Variants in BOD1L1 observed in about 807,000 individuals in gnomAD.
BOD1L1 encodes biorientation of chromosomes in cell division 1 like 1, also known as biorientation of chromosomes in cell division protein 1-like 1.
Under a neutral mutation model 240.7 loss-of-function variants are expected in BOD1L1, and 86 were observed. The observed-to-expected ratio is 0.36, with a 90% CI of 0.30 to 0.43. The LOEUF (loss-of-function observed/expected upper bound fraction) is 0.43. Ranked by LOEUF, BOD1L1 falls within the 20% of genes least tolerant of loss-of-function variation. The probability of loss-of-function intolerance (pLI) is 1.00; values close to 1 mark genes in which losing one functional copy is unlikely to be tolerated. For synonymous variants in BOD1L1, 1,268 were observed against 1,272.3 expected (o/e 1.00, Z 0.07); for missense variants, 3,554 against 3,643.5 (o/e 0.98, Z 0.63).
chr4:13,576,723 A>G lies in BOD1L1; in HGVS notation c.9038+115T>C, dbSNP rs569916823. 4.6e-6 allele frequency: 6 copies of G among 1,316,312 alleles called. 1 individual carries two copies. The South Asian group carries it at 9.5e-5, about 21-fold the overall frequency. The allele number at this position is 1,316,312 out of a possible 1,614,324, so 81.5% of individuals were successfully genotyped here. ...GCTAACAATAAAAATGAAAGGGAAGAACTTCCACTGCAGCATGAATGATTC... is the reference window on the plus strand; with the variant it reads ...GCTAACAATAAAAATGAAAGGGAAGGACTTCCACTGCAGCATGAATGATTC... On this transcript the variant is annotated intron_variant, in intron 25 of 25. Transcript: ENST00000040738.
In BOD1L1 at chr4:13,594,942, C is replaced by T. The variant is rs551127910; in HGVS notation, c.8104+918G>A. Among the ~76,000 whole-genome samples the T allele has an allele frequency of 4.2e-4, 64 of 152,168 alleles. 1 individual carries two copies. Among genetic ancestry groups the T allele is most frequent in the Non-Finnish European group, 7.2e-4 (49 of 67,976 alleles). On this transcript the variant is annotated intron_variant, in intron 12 of 25. Transcript: ENST00000040738. Reference sequence around the variant, plus strand: ...ACAAAACAAAAAACAAAAACCCAACCGTCTATCTGTAATGTTGGATTTTCT... The same window carrying T: ...ACAAAACAAAAAACAAAAACCCAACTGTCTATCTGTAATGTTGGATTTTCT...
rs373873288 is a variant in BOD1L1 at position 13,600,642 on chromosome 4, G to A, written c.6258C>T (p.Ser2086=). The change falls in exon 10 of 26, where the codon AGC becomes AGT. Residue 2086 remains serine (S), a synonymous_variant. Coordinates refer to ENST00000040738, the MANE Select transcript of BOD1L1 (RefSeq NM_148894.3). ...GACCTCCTTCCACATCTGTAATTGC[G>A]CTTACCTGAGGGGTGTAATCATTTG... ...STTNDYTPQV[S]AITDVEGGLS... is the part of the protein sequence containing the mutation. 121 of 1,613,786 alleles carry A rather than the reference G, an allele frequency of 7.5e-5. 1 individual carries two copies. In the Admixed American group the frequency reaches 1.3e-3, roughly 17 times the overall value.
chr4:13,626,606 T>C (rs1577392212), intron 1 of BOD1L1, among the ~76,000 whole-genome samples: 1 of 152,174 alleles, frequency 6.6e-6, no homozygotes, highest in African/African-American at 2.4e-5. Context: ...CCTTCCCCTT[T>C]CCAGCCTCTC....
At chr4:13,609,614 T>C (rs986264498) in intron 6 of BOD1L1, among the ~76,000 whole-genome samples, 6 of 152,116 alleles carry the variant, frequency 3.9e-5, no homozygotes, top group African/African-American at 1.4e-4. Flanking sequence ...ATCTAGAAGC[T>C]ACCAGAATAG....
intron 1 of BOD1L1, 41 bp from the exon 2 acceptor site, chr4:13,620,108 A>C: frequency 6.5e-7 from 1 of 1,549,374 alleles, no homozygotes; most frequent in Non-Finnish European, 8.7e-7. Context: ...AAGGTTATAC[A>C]GTATCAATAT....
intron 17 of BOD1L1, 73 bp from the exon 18 acceptor site, chr4:13,582,809 G>A: frequency 1.9e-6 from 2 of 1,042,558 alleles, no homozygotes; most frequent in Non-Finnish European, 2.8e-6. Context: ...CCCCACACAA[G>A]TTTGCCTTTC....
intron 24 of BOD1L1, 63 bp downstream of exon 24, chr4:13,577,338 GAA>G: frequency 7.0e-7 from 1 of 1,423,526 alleles, no homozygotes; most frequent in Non-Finnish European, 9.6e-7. Context: ...CTCATTCAAA[GAA>G]AAACTCTTTA....
At position 13,580,928 on chromosome 4, in the gene BOD1L1, A is replaced by C. The variant is rs1443058498; in HGVS notation, c.8703+92T>G. The C allele has an allele frequency of 3.2e-6, 4 of 1,239,592 alleles. No individual in the cohort carries two copies. In the East Asian group the frequency reaches 1.0e-4, roughly 32 times the overall value. The allele number at this position is 1,239,592 out of a possible 1,614,324, so 76.8% of individuals were successfully genotyped here. A position where few individuals can be genotyped will look rare whatever the true frequency, so the allele number is the denominator to read the frequency against. ...AGTCTTTTAAAGCTTTTCAAGTAAA[A>C]AAAATAAAGTTCAAAATACTAGATA... On this transcript the variant is annotated intron_variant, in intron 21 of 25. Transcript: ENST00000040738.
chr4:13,600,000 C>A lies in BOD1L1; in HGVS notation c.6900G>T (p.Gly2300=), dbSNP rs775970021. 4 of 1,610,398 alleles carry A rather than the reference C, an allele frequency of 2.5e-6. No individual in the cohort carries two copies. The highest frequency in any genetic ancestry group is 3.4e-6 in the Non-Finnish European group (4 of 1,178,166). The change falls in exon 10 of 26, where the codon GGG becomes GGT. Residue 2300 remains glycine (G), a synonymous_variant. Coordinates refer to ENST00000040738, the MANE Select transcript of BOD1L1 (RefSeq NM_148894.3). ...CAGCACCAATCATGACTGCTTCACA[C>A]CCTTCAGAGGTGCTTGTGGAAATCA... ...TAMISTSTSE[G]CEAVMIGAVL... is the part of the protein sequence containing the mutation.
intron 15 of BOD1L1, among the ~76,000 whole-genome samples, chr4:13,588,057 G>A (rs1397146927): frequency 1.3e-5 from 2 of 151,966 alleles, no homozygotes; most frequent in East Asian, 1.9e-4. Context: ...GCGTGGTGGC[G>A]GGTGCCTGTA....
In BOD1L1 at chr4:13,581,133, C is replaced by A. The variant is rs764096476; in HGVS notation, c.8667G>T (p.Met2889Ile). Reference sequence around the variant, plus strand: ...ACTGAAAACACACCAAGTACCTACTCATTTTTAACGTTGTTTCTACAGGGT... The same window carrying A: ...ACTGAAAACACACCAAGTACCTACTAATTTTTAACGTTGTTTCTACAGGGT... ...RKYPVETTLK[M>I]KDDSKTDTGI... is the part of the protein sequence containing the mutation. The change falls in exon 20 of 26, where the codon ATG becomes ATT. Residue 2889 changes from methionine (M) to isoleucine (I), a missense_variant and splice_region_variant. Physicochemically the swap from Met to Ile is conservative, Grantham distance 10. Transcript: ENST00000040738. The A allele has an allele frequency of 1.3e-6, 2 of 1,574,574 alleles. No homozygotes were observed. Among genetic ancestry groups the A allele is most frequent in the African/African-American group, 2.7e-5 (2 of 74,228 alleles).
intron 15 of BOD1L1, 87 bp downstream of exon 15, chr4:13,588,635 G>T (rs1251584975): frequency 7.0e-6 from 7 of 994,258 alleles, no homozygotes; most frequent in Non-Finnish European, 1.0e-5. Flanking sequence ...TTTATACAAA[G>T]AAATAAAGCC....
intron 25 of BOD1L1, among the ~76,000 whole-genome samples, chr4:13,573,436 C>G (rs1712386987): frequency 8.4e-6 from 1 of 119,016 alleles, no homozygotes; most frequent in African/African-American, 2.8e-5. Flanking sequence ...GTCTGTCTGT[C>G]TGTCTGTCTA....
intron 17 of BOD1L1, among the ~76,000 whole-genome samples, chr4:13,586,037 A>C (rs1713660242): frequency 6.6e-6 from 1 of 152,238 alleles, no homozygotes; most frequent in African/African-American, 2.4e-5. Context: ...AGTACTAATA[A>C]TAACTGTATT....
chr4:13,619,210 A>G (rs771677564), intron 2 of BOD1L1, among the ~76,000 whole-genome samples: 2 of 150,660 alleles, frequency 1.3e-5, no homozygotes, highest in Non-Finnish European at 3.0e-5. Flanking sequence ...CAGGAGGATG[A>G]CGTTGGGAGG....
chr4:13,589,362 T>C (rs1713995130), intron 14 of BOD1L1, among the ~76,000 whole-genome samples: 1 of 152,220 alleles, frequency 6.6e-6, no homozygotes, highest in South Asian at 2.1e-4. Flanking sequence ...TAGCATTCTT[T>C]GTAATTGGGA....
chr4:13,621,103 G>GTGCT (rs2108997751), intron 1 of BOD1L1, among the ~76,000 whole-genome samples: 1 of 152,322 alleles, frequency 6.6e-6, no homozygotes, highest in South Asian at 2.1e-4. Context: ...AACCCTTGAT[G>GTGCT]TGCTCCCTGA....
Position 13,602,113 on chromosome 4 carries a change from A to T in BOD1L1, c.4787T>A (p.Val1596Asp). Residue 1596 changes from valine (V) to aspartate (D), a missense_variant, in exon 10 of 26, where the codon GTC becomes GAC. Val to Asp is a radical substitution (Grantham distance 152, BLOSUM62 -3). This residue lies in a region of BOD1L1 where 3,393 missense variants were observed against 3,427.1 expected (regional missense o/e 0.99). Transcript: ENST00000040738. Reference sequence around the variant, plus strand: ...TTCACTTTCAGCAAATCCCTCTGTGACAACAGCCCCACCTTCTTCAGCTGC... The same window carrying T: ...TTCACTTTCAGCAAATCCCTCTGTGTCAACAGCCCCACCTTCTTCAGCTGC... Reference protein sequence around the residue: ...FAAAEEGGAVVTEGFAESETF... With the variant: ...FAAAEEGGAVDTEGFAESETF... 1 of 1,614,016 alleles carries T rather than the reference A, an allele frequency of 6.2e-7. No individual in the cohort carries two copies. Among genetic ancestry groups the T allele is most frequent in the South Asian group, 1.1e-5 (1 of 91,084 alleles).
At chr4:13,590,906 AC>A (rs1232382753) in intron 13 of BOD1L1, among the ~76,000 whole-genome samples, 1 of 152,160 alleles carries the variant, frequency 6.6e-6, no homozygotes, top group Non-Finnish European at 1.5e-5. Context: ...AGTCCTAGCT[AC>A]AGACTTTTGC....
Sources: gnomAD v4.1 joint callset for allele counts (sites outside exome capture counted in the v4.1 genomes callset) on GRCh38, gnomAD v4.1.1 for gene constraint, gnomAD v4.1.1 regional missense constraint, MANE v1.5 for transcripts, NCBI Gene and HGNC (gene_info 2026-07-23, HGNC 2026-07-21) for gene names.